CDHR3: variants seen among roughly 807,000 people sequenced by gnomAD.
CDHR3 encodes cadherin-related family member 3.
Under a neutral mutation model 86.6 loss-of-function variants are expected in CDHR3, and 79 were observed. The observed-to-expected ratio is 0.91, with a 90% confidence interval of 0.76 to 1.10. CDHR3 has a LOEUF of 1.10. CDHR3 is among the 50% of genes least tolerant of loss of function. The probability of loss-of-function intolerance (pLI) is 0.00; values close to 1 mark genes in which losing one functional copy is unlikely to be tolerated. For synonymous variants in CDHR3, 421 were observed against 402.4 expected, an observed-to-expected ratio of 1.05 and a Z score of -0.55; for missense variants, 1,081 against 1,077.6, an observed-to-expected ratio of 1.00 and a Z score of -0.04.
At chr7:105,982,197 G>A (rs538672663) in intron 3 of CDHR3, among the ~76,000 whole-genome samples, 8 of 152,272 alleles carry the variant, frequency 5.3e-5, no homozygotes, top group Admixed American at 4.6e-4. Context: ...GGCCGGGCGC[G>A]GTGGCTCACG....
chr7:106,013,786 A>AT (rs1257015351), intron 9 of CDHR3, among the ~76,000 whole-genome samples: 1 of 151,942 alleles, frequency 6.6e-6, no homozygotes, highest in East Asian at 1.9e-4. Context: ...AATAATTTCT[A>AT]TTTTTTTCTG....
chr7:105,974,578 C>A (rs2727746), intron 1 of CDHR3, among the ~76,000 whole-genome samples: 13,640 of 152,198 alleles, frequency 0.09, 963 homozygotes, highest in East Asian at 0.39. Context: ...AGAAGGGAAG[C>A]AGGGAGACAA....
At chr7:106,008,558 G>A (rs751883446) in intron 8 of CDHR3, among the ~76,000 whole-genome samples, 49 of 152,138 alleles carry the variant, frequency 3.2e-4, no homozygotes, top group Middle Eastern at 6.8e-3. Context: ...CCCCAATAAC[G>A]TCAGTCACAA....
chr7:105,993,451 C>G (rs1299384047), intron 4 of CDHR3, among the ~76,000 whole-genome samples: 1 of 151,900 alleles, frequency 6.6e-6, no homozygotes, highest in Non-Finnish European at 1.5e-5. Context: ...AGGTGGATCA[C>G]TTGAGCTCAG....
chr7:105,981,089 CAG>C lies in CDHR3; in HGVS notation c.373_374del (p.Asp125CysfsTer32), dbSNP rs774250083. 34 of 1,613,696 alleles carry C rather than the reference CAG, an allele frequency of 2.1e-5. No homozygotes were observed. Among genetic ancestry groups the C allele is most frequent in the Middle Eastern group, 3.3e-4 (2 of 6,060 alleles). On this transcript the variant is annotated frameshift_variant, in exon 3 of 19. Transcript: ENST00000317716. LOFTEE classifies it high-confidence loss of function. The stretch of plus-strand genomic sequence containing the variant: ...CTGCAAGTCCTGACTGTCCAGGTAA[CAG>C]ATGTGAACGAGCCACCTCAGTTTCA...
intron 8 of CDHR3, among the ~76,000 whole-genome samples, chr7:106,009,245 A>G (rs1434896289): frequency 1.3e-5 from 2 of 152,140 alleles, no homozygotes; most frequent in African/African-American, 4.8e-5. Context: ...ATGAACGCCA[A>G]GATGTGAGGA....
chr7:106,020,904 G>A (rs1836465037), intron 13 of CDHR3, among the ~76,000 whole-genome samples: 1 of 152,026 alleles, frequency 6.6e-6, no homozygotes, highest in African/African-American at 2.4e-5. Flanking sequence ...CCCCATACGT[G>A]ACTGCCCAAA....
Position 106,030,787 on chromosome 7 carries a change from C to A in CDHR3, c.2305-5C>A, listed in dbSNP as rs774366059. 74 of 1,609,794 alleles carry A rather than the reference C, an allele frequency of 4.6e-5. No individual in the cohort carries two copies. Among genetic ancestry groups the A allele is most frequent in the Non-Finnish European group, 5.7e-5 (67 of 1,178,126 alleles). On this transcript the variant is annotated splice_polypyrimidine_tract_variant and splice_region_variant and intron_variant, in intron 17 of 18. Transcript: ENST00000317716. This position sits in a 1 kb window ranked among gnomAD's most constrained non-coding sequence, Gnocchi z 4.8. The stretch of plus-strand genomic sequence containing the variant: ...TGTTTGATGCTGTCTCTGTCTTCTC[C>A]TTAGGAAACTATCCAGATGAACACT...
intron 1 of CDHR3, among the ~76,000 whole-genome samples, chr7:105,966,379 C>A (rs1391497860): frequency 1.3e-5 from 2 of 152,206 alleles, no homozygotes; most frequent in East Asian, 1.9e-4. Flanking sequence ...ACCCATCCAA[C>A]TGAGTTTGTC....
intron 5 of CDHR3, among the ~76,000 whole-genome samples, chr7:105,996,021 G>A (rs1357351957): frequency 1.3e-5 from 2 of 152,150 alleles, no homozygotes; most frequent in African/African-American, 4.8e-5. Context: ...GGCCTGGTGG[G>A]ACAATGGTGG....
chr7:106,026,161 C>G (rs1430621865), intron 15 of CDHR3, among the ~76,000 whole-genome samples: 1 of 152,154 alleles, frequency 6.6e-6, no homozygotes, highest in Non-Finnish European at 1.5e-5. Flanking sequence ...CCAACTTTGT[C>G]AAATAGCAAA....
In CDHR3 at chr7:106,022,267, C is replaced by G. The variant is rs532610695; in HGVS notation, c.1895C>G (p.Ser632Cys). Reference protein sequence around the residue: ...GSNVTRLLLTSRFDYAGGFDK... With the variant: ...GSNVTRLLLTCRFDYAGGFDK... Reference sequence around the variant, plus strand: ...AATGTCACACGCCTGCTGCTTACATCTCGCTTTGACTATGCTGGTGGGTTT... The same window carrying G: ...AATGTCACACGCCTGCTGCTTACATGTCGCTTTGACTATGCTGGTGGGTTT... Residue 632 changes from serine (S) to cysteine (C), a missense_variant, in exon 14 of 19, where the codon TCT (serine) becomes TGT (cysteine). Physicochemically the swap from Ser to Cys is moderately radical, Grantham distance 112. Transcript: ENST00000317716. 7.4e-6 allele frequency: 12 copies of G among 1,613,924 alleles called. No homozygotes were observed. Among genetic ancestry groups the G allele is most frequent in the East Asian group, 2.2e-5 (1 of 44,902 alleles).
intron 13 of CDHR3, 122 bp from the exon 14 acceptor site, chr7:106,022,074 GAC>G (rs1466681336): frequency 8.4e-7 from 1 of 1,191,294 alleles, no homozygotes; most frequent in Non-Finnish European, 1.2e-6. Context: ...GTGTATCAGA[GAC>G]ACAGTCTACA....
At chr7:105,984,120 T>G in intron 3 of CDHR3, 72 bp from the exon 4 acceptor site, 1 of 863,866 alleles carries the variant, frequency 1.2e-6, no homozygotes, top group Non-Finnish European at 1.8e-6. Context: ...TGTGTACAGC[T>G]GCCTTGATTT....
At position 106,001,534 on chromosome 7, in the gene CDHR3, T is replaced by C. The variant is rs1436281503; in HGVS notation, c.786T>C (p.Asp262=). ...GTIVANITAE[D]PDDEGFPSHL... is the part of the protein sequence containing the mutation. ...TCGTGGCCAATATCACAGCGGAGGA[T>C]CCTGATGATGAAGGTTTTCCCAGCC... The change falls in exon 7 of 19, where the codon GAT becomes GAC. Residue 262 remains aspartate (D), a synonymous_variant. Coordinates refer to ENST00000317716, the MANE Select transcript of CDHR3 (RefSeq NM_152750.5). The C allele has an allele frequency of 6.2e-7, 1 of 1,613,810 alleles. No individual in the cohort carries two copies. The highest frequency in any genetic ancestry group is 2.2e-5 in the East Asian group (1 of 44,886).
rs377271569 is a variant in CDHR3, at chr7:106,015,996, A to C, written c.1397A>C (p.Tyr466Ser). The change falls in exon 11 of 19, where the codon TAT (tyrosine) becomes TCT (serine). Residue 466 changes from tyrosine (Y) to serine (S), a missense_variant. Tyr to Ser is a moderately radical substitution (Grantham distance 144). Coordinates refer to ENST00000317716, the MANE Select transcript of CDHR3 (RefSeq NM_152750.5). Reference sequence around the variant, plus strand: ...CCTCTCATTTTTGATAGGCCATCCTATGTATTTGATGTGTCAGAAAGAAGG... The same window carrying C: ...CCTCTCATTTTTGATAGGCCATCCTCTGTATTTGATGTGTCAGAAAGAAGG... ...EFPLIFDRPS[Y>S]VFDVSERRPA... 63 of 1,611,932 alleles carry C rather than the reference A, an allele frequency of 3.9e-5. No homozygotes were observed. The African/African-American group carries it at 7.7e-4, about 20-fold the overall frequency.
chr7:106,002,987 A>G (rs903108417), intron 7 of CDHR3, among the ~76,000 whole-genome samples: 2 of 152,014 alleles, frequency 1.3e-5, no homozygotes, highest in African/African-American at 4.8e-5. Context: ...TTTAAAAATT[A>G]GCTGAGTGTC....
chr7:106,028,071 G>A (rs1419370332), intron 16 of CDHR3, among the ~76,000 whole-genome samples: 1 of 151,812 alleles, frequency 6.6e-6, no homozygotes, highest in Non-Finnish European at 1.5e-5. Flanking sequence ...GCTGCAGCGA[G>A]TTGTGACCGC....
chr7:105,965,026 TATCATTTGG>T (rs1409964877), intron 1 of CDHR3, among the ~76,000 whole-genome samples: 1 of 152,012 alleles, frequency 6.6e-6, no homozygotes, highest in Non-Finnish European at 1.5e-5. Flanking sequence ...TACTGAACAC[TATCATTTGG>T]AATTTTATCA....
Sources: allele counts gnomAD v4.1 joint callset (sites outside exome capture counted in the v4.1 genomes callset), GRCh38; gene constraint gnomAD v4.1.1; non-coding constraint Gnocchi (gnomAD v3.1); transcripts MANE v1.5; gene names NCBI Gene and HGNC (gene_info 2026-07-23, HGNC 2026-07-21).